Variants in ZSCAN21 observed in about 807,000 individuals in gnomAD.
The protein encoded by ZSCAN21 is zinc finger and SCAN domain-containing protein 21.
A neutral mutation model predicts 35.6 loss-of-function variants in ZSCAN21; 26 were observed. The ratio of observed to expected loss-of-function variants is 0.73; its 90% CI spans 0.54 to 1.01. The LOEUF (loss-of-function observed/expected upper bound fraction) is 1.01. ZSCAN21 is among the 50% of genes least tolerant of loss of function. The pLI is 0.00. For missense variants in ZSCAN21, 593 were observed against 587.1 expected, an observed-to-expected ratio of 1.01 and a Z score of -0.10; for synonymous variants, 219 against 219.3, an observed-to-expected ratio of 1.00 and a Z score of 0.01.
chr7:100,057,299 C>T lies in ZSCAN21; in HGVS notation c.293C>T (p.Pro98Leu). 6.2e-7 allele frequency: 1 copy of T among 1,613,474 alleles called. No individual in the cohort carries two copies. Among genetic ancestry groups the T allele is most frequent in the East Asian group, 2.2e-5 (1 of 44,872 alleles). The part of the protein sequence containing the change: ...LVLEQFLTIL[P>L]QELQAWVQEH... ...CTGGAGCAGTTCCTGACCATCCTGC[C>T]CCAGGAGCTCCAGGCCTGGGTGCAG... Residue 98 changes from proline (P) to leucine (L), a missense_variant, in exon 2 of 4, where the codon CCC (proline) becomes CTC (leucine). Coordinates refer to ENST00000292450, the MANE Select transcript of ZSCAN21 (RefSeq NM_145914.3).
At chr7:100,058,586 G>A (rs1792167155) in intron 3 of ZSCAN21, among the ~76,000 whole-genome samples, 1 of 152,216 alleles carries the variant, frequency 6.6e-6, no homozygotes, top group Non-Finnish European at 1.5e-5. Context: ...TGAAGCTATG[G>A]AAAGAGGTGG....
chr7:100,050,355 C>A (rs1234447038), intron 1 of ZSCAN21, among the ~76,000 whole-genome samples: 1 of 152,138 alleles, frequency 6.6e-6, no homozygotes, highest in Non-Finnish European at 1.5e-5. Flanking sequence ...TAGGGATCTG[C>A]TCATGGTTTA....
In ZSCAN21 at chr7:100,056,892, G is replaced by T. The variant is rs890712075; in HGVS notation, c.-96-19G>T. ...ACACTTTTCAGTTTGATTATTTTTT[G>T]GTAACTATATTTTCTTAGGTTTAAC... On this transcript the variant is annotated intron_variant, in intron 1 of 3. Transcript: ENST00000292450. 2 of 1,102,864 alleles carry T rather than the reference G, an allele frequency of 1.8e-6. No individual in the cohort carries two copies. Among genetic ancestry groups the T allele is most frequent in the Non-Finnish European group, 2.5e-6 (2 of 787,274 alleles). 68.3% of individuals were successfully genotyped at this position (1,102,864 alleles called of 1,614,324 possible).
chr7:100,058,368 G>A (rs1792159414), intron 3 of ZSCAN21, among the ~76,000 whole-genome samples: 1 of 152,124 alleles, frequency 6.6e-6, no homozygotes, highest in African/African-American at 2.4e-5. Flanking sequence ...GCTGTGGGAT[G>A]AGGAGAAAAC....
intron 3 of ZSCAN21, among the ~76,000 whole-genome samples, chr7:100,058,100 G>A (rs1362152631): frequency 6.6e-6 from 1 of 152,160 alleles, no homozygotes; most frequent in African/African-American, 2.4e-5. Flanking sequence ...TAAAGGATCA[G>A]TTTCTCTTTG....
chr7:100,060,653 G>T lies in ZSCAN21; in HGVS notation c.592+2763G>T, dbSNP rs187879851. On this transcript the variant is annotated intron_variant, in intron 3 of 3. Coordinates refer to ENST00000292450, the MANE Select transcript of ZSCAN21 (RefSeq NM_145914.3). ...AGGCTGAGGCAGGCGGATCACCTGA[G>T]GTCAGGAGTTTGAGACCAGCCTGGC... Among the ~76,000 whole-genome samples the T allele has an allele frequency of 6.2e-4, 93 of 151,008 alleles. 1 individual carries two copies. Among genetic ancestry groups the T allele is most frequent in the African/African-American group, 2.1e-3 (88 of 41,180 alleles).
At position 100,051,178 on chromosome 7, in the gene ZSCAN21, CAAAAAAA is replaced by C. The variant is rs369246193; in HGVS notation, c.-97+1356_-97+1362del. On this transcript the variant is annotated intron_variant, in intron 1 of 3. Transcript: ENST00000292450. The stretch of plus-strand genomic sequence containing the variant: ...GGGAAACAAGAGTGAAACTACGTCT[CAAAAAAA>C]AAAAAAAAAAAAAAAAAAGGAAGAA... Among the ~76,000 whole-genome samples the C allele has an allele frequency of 4.3e-3, 177 of 41,350 alleles. 6 individuals carry two copies. Among genetic ancestry groups the C allele is most frequent in the East Asian group, 0.022 (39 of 1,774 alleles). The allele number at this position is 41,350 out of a possible 152,430, so 27.1% of individuals were successfully genotyped here.
chr7:100,057,365 T>G lies in ZSCAN21; in HGVS notation c.359T>G (p.Leu120Arg). Residue 120 changes from leucine to arginine, a missense_variant, in exon 2 of 4, where the codon CTC becomes CGC. Physicochemically the swap from Leu to Arg is moderately radical, Grantham distance 102. Transcript: ENST00000292450. ...AGCGCTGAAGAGGCTGTCACTCTCC[T>G]CGAAGATCTGGAGCGGGAACTGGAT... ...PESAEEAVTL[L>R]EDLERELDEP... 6.3e-7 allele frequency: 1 copy of G among 1,577,204 alleles called. No individual in the cohort carries two copies. Among genetic ancestry groups the G allele is most frequent in the Non-Finnish European group, 8.6e-7 (1 of 1,162,774 alleles).
At chr7:100,063,517 G>A (rs181952108) in intron 3 of ZSCAN21, among the ~76,000 whole-genome samples, 7 of 152,030 alleles carry the variant, frequency 4.6e-5, no homozygotes, top group African/African-American at 1.4e-4. Context: ...CAGGAGAATC[G>A]CTTGAATCAG....
intron 3 of ZSCAN21, among the ~76,000 whole-genome samples, chr7:100,063,037 G>C (rs184827912): frequency 3.4e-4 from 52 of 152,220 alleles, no homozygotes; most frequent in Middle Eastern, 3.4e-3. Flanking sequence ...GACCACAGGG[G>C]CACACCATGC....
At position 100,064,664 on chromosome 7, in the gene ZSCAN21, G is replaced by GAA. The variant is rs1792547237; in HGVS notation, c.*50_*51dup. The GAA allele has an allele frequency of 1.2e-6, 2 of 1,602,566 alleles. No homozygotes were observed. Among genetic ancestry groups the GAA allele is most frequent in the East Asian group, 4.5e-5 (2 of 44,720 alleles). On this transcript the variant is annotated 3_prime_UTR_variant, in exon 4 of 4. Coordinates refer to ENST00000292450, the MANE Select transcript of ZSCAN21 (RefSeq NM_145914.3). ...GTCGTTGTTTTAAACTTTAGAATCT[G>GAA]AAAACCAGAAAGAAGTCTTGTCATT... is the stretch of plus-strand genomic sequence containing the variant.
intron 3 of ZSCAN21, 48 bp downstream of exon 3, chr7:100,057,938 G>A (rs1774540779): frequency 4.2e-6 from 6 of 1,413,616 alleles, no homozygotes; most frequent in Non-Finnish European, 5.6e-6. Context: ...GGCCCCTGTG[G>A]TTGGAGAAGC....
chr7:100,060,315 G>T (rs543842695), intron 3 of ZSCAN21, among the ~76,000 whole-genome samples: 18 of 152,188 alleles, frequency 1.2e-4, no homozygotes, highest in African/African-American at 4.1e-4. Flanking sequence ...GGTCATCCCA[G>T]CACTTTGGGA....
intron 1 of ZSCAN21, among the ~76,000 whole-genome samples, chr7:100,051,282 C>CTTTTCTTTTTTTTT (rs1791863936): frequency 2.9e-5 from 1 of 34,948 alleles, no homozygotes. Context: ...TAGGGATTTT[C>CTTTTCTTTTTTTTT]TTTTTTTTTT....
In ZSCAN21 at chr7:100,056,720, T is replaced by C. The variant is rs185113338; in HGVS notation, c.-96-191T>C. Reference sequence around the variant, plus strand: ...CTCATGTGATCCACCCGTCTCAGCCTCCCAAAGTGCTGGAATTATAGGCAT... The same window carrying C: ...CTCATGTGATCCACCCGTCTCAGCCCCCCAAAGTGCTGGAATTATAGGCAT... On this transcript the variant is annotated intron_variant, in intron 1 of 3. Transcript: ENST00000292450. 8.3e-4 allele frequency among the ~76,000 whole-genome samples: 127 copies of C among 152,268 alleles called. 1 individual carries two copies. Among genetic ancestry groups the C allele is most frequent in the African/African-American group, 2.9e-3 (121 of 41,552 alleles).
intron 1 of ZSCAN21, among the ~76,000 whole-genome samples, chr7:100,050,921 G>A (rs1791836618): frequency 1.3e-5 from 2 of 151,814 alleles, no homozygotes; most frequent in African/African-American, 4.8e-5. Context: ...GGCCGGGCGC[G>A]GTGGCTCATG....
chr7:100,057,864 T>A lies in ZSCAN21; in HGVS notation c.566T>A (p.Phe189Tyr). 6.2e-7 allele frequency: 1 copy of A among 1,610,956 alleles called. No homozygotes were observed. The highest frequency in any genetic ancestry group is 8.5e-7 in the Non-Finnish European group (1 of 1,178,508). Residue 189 changes from phenylalanine to tyrosine, a missense_variant, in exon 3 of 4, where the codon TTC becomes TAC. Coordinates refer to ENST00000292450, the MANE Select transcript of ZSCAN21 (RefSeq NM_145914.3). ...CAAGAGTCTGGTGAGGAGCAGGAGT[T>A]CGCTCAAGATCCAAGAAAGGTCCGA... ...YIQESGEEQE[F>Y]AQDPRKVRDC...
chr7:100,050,657 C>G (rs1375465338), intron 1 of ZSCAN21, among the ~76,000 whole-genome samples: 1 of 152,032 alleles, frequency 6.6e-6, no homozygotes, highest in Non-Finnish European at 1.5e-5. Context: ...GAGATCACGC[C>G]ACTGCACTCC....
intron 2 of ZSCAN21, 133 bp from the exon 3 acceptor site, chr7:100,057,565 A>G: frequency 2.9e-6 from 4 of 1,358,112 alleles, no homozygotes; most frequent in Non-Finnish European, 4.0e-6. Context: ...ACTAACTTTT[A>G]GCCTTGGGAA....
Sources: allele counts gnomAD v4.1 joint callset (sites outside exome capture counted in the v4.1 genomes callset), GRCh38; gene constraint gnomAD v4.1.1; transcripts MANE v1.5; gene names NCBI Gene and HGNC (gene_info 2026-07-23, HGNC 2026-07-21).